The following SMYD3 variants were observed in gnomAD, a reference collection of about 807,000 sequenced individuals.
SMYD3 encodes the protein histone-lysine N-methyltransferase SMYD3.
A neutral mutation model predicts 57.7 loss-of-function variants in SMYD3; 36 were observed. The ratio of observed to expected loss-of-function variants is 0.62; its 90% confidence interval spans 0.48 to 0.82. The LOEUF (loss-of-function observed/expected upper bound fraction) is 0.82. Ranked by LOEUF, SMYD3 falls within the 40% of genes least tolerant of loss-of-function variation. The probability of loss-of-function intolerance (pLI) is 0.00; values close to 1 mark genes in which losing one functional copy is unlikely to be tolerated. For synonymous variants in SMYD3, 211 were observed against 195.0 expected, an observed-to-expected ratio of 1.08 and a Z score of -0.68; for missense variants, 515 against 538.8, an observed-to-expected ratio of 0.96 and a Z score of 0.44.
At chr1:245,761,857 CT>C (rs1357285271) in intron 11 of SMYD3, among the ~76,000 whole-genome samples, 1 of 142,950 alleles carries the variant, frequency 7.0e-6, no homozygotes. Flanking sequence ...GCAATCTTGG[CT>C]CACTGTAACC....
Position 245,989,360 on chromosome 1 carries a change from T to A in SMYD3, c.532-59423A>T, listed in dbSNP as rs184890435. ...TTTCCTCTCTTATCCTTAATTTCATTGTGTACTTTTCTCACTCCTATCTTC... is the reference window on the plus strand; with the variant it reads ...TTTCCTCTCTTATCCTTAATTTCATAGTGTACTTTTCTCACTCCTATCTTC... On this transcript the variant is annotated intron_variant, in intron 5 of 11. Coordinates refer to ENST00000490107, the MANE Select transcript of SMYD3 (RefSeq NM_001167740.2). 1.5e-3 allele frequency among the ~76,000 whole-genome samples: 232 copies of A among 152,334 alleles called. 1 individual carries two copies. The highest frequency in any genetic ancestry group is 0.01 in the Middle Eastern group (3 of 294).
intron 8 of SMYD3, among the ~76,000 whole-genome samples, chr1:245,908,090 C>T (rs1039169674): frequency 6.6e-6 from 1 of 151,606 alleles, no homozygotes; most frequent in Non-Finnish European, 1.5e-5. Flanking sequence ...GAGCTGAGAT[C>T]GCGCCACTGC....
chr1:246,044,870 T>C (rs950956752), intron 5 of SMYD3, among the ~76,000 whole-genome samples: 1 of 152,166 alleles, frequency 6.6e-6, no homozygotes, highest in Non-Finnish European at 1.5e-5. Flanking sequence ...CATTATTGAC[T>C]CTTTATAAAA....
At chr1:246,233,057 A>G in intron 5 of SMYD3, among the ~76,000 whole-genome samples, 1 of 133,406 alleles carries the variant, frequency 7.5e-6, no homozygotes, top group South Asian at 3.1e-4. Context: ...GCACTCCTTC[A>G]ATTCACACTG....
At chr1:246,498,725 C>T (rs1306252008) in intron 1 of SMYD3, among the ~76,000 whole-genome samples, 43 of 131,784 alleles carry the variant, frequency 3.3e-4, no homozygotes, top group Non-Finnish European at 6.3e-4. Context: ...AGCAAGACTC[C>T]GTCTCAAAAA....
intron 5 of SMYD3, among the ~76,000 whole-genome samples, chr1:245,943,202 G>A (rs2057315537): frequency 7.6e-6 from 1 of 131,470 alleles, no homozygotes; most frequent in Admixed American, 8.4e-5. Flanking sequence ...AAGAATACAG[G>A]GGCTGAGTTT....
intron 10 of SMYD3, among the ~76,000 whole-genome samples, chr1:245,829,635 C>T (rs532749715): frequency 8.5e-5 from 13 of 152,208 alleles, no homozygotes; most frequent in Middle Eastern, 6.8e-3. Flanking sequence ...TAATTCCACT[C>T]TAGATATACA....
chr1:246,172,426 A>G (rs2062356025), intron 5 of SMYD3, among the ~76,000 whole-genome samples: 1 of 139,108 alleles, frequency 7.2e-6, no homozygotes, highest in Non-Finnish European at 1.5e-5. Flanking sequence ...AACACTACAC[A>G]CTTAGGCTAC....
At position 246,355,084 on chromosome 1, in the gene SMYD3, G is replaced by C. The variant is rs913052633; in HGVS notation, c.175C>G (p.Leu59Val). ...ACGCGGCACTGAGAGCATCGCATCA[G>C]CTTTTCCTTCCTGTGGGGAAAAAAA... Reference protein sequence around the residue: ...CDRCLLGKEKLMRCSQCRVAK... With the variant: ...CDRCLLGKEKVMRCSQCRVAK... The change falls in exon 2 of 12, where the codon CTG becomes GTG. Residue 59 changes from leucine to valine, a missense_variant. Coordinates refer to ENST00000490107, the MANE Select transcript of SMYD3 (RefSeq NM_001167740.2). This position sits in a 1 kb window ranked among gnomAD's most constrained non-coding sequence, Gnocchi z 5.0. The C allele has an allele frequency of 5.0e-6, 8 of 1,614,042 alleles. No homozygotes were observed. The highest frequency in any genetic ancestry group is 5.9e-6 in the Non-Finnish European group (7 of 1,180,016).
chr1:246,117,878 A>C (rs760573301), intron 5 of SMYD3, among the ~76,000 whole-genome samples: 14 of 152,184 alleles, frequency 9.2e-5, no homozygotes, highest in Non-Finnish European at 1.9e-4. Context: ...GCATTGGTCA[A>C]ATTACATATT....
At chr1:246,281,502 C>T (rs763055632) in intron 5 of SMYD3, among the ~76,000 whole-genome samples, 13 of 152,126 alleles carry the variant, frequency 8.5e-5, no homozygotes, top group South Asian at 2.1e-4. Context: ...CATATCATAC[C>T]GCAATGTTTT....
intron 5 of SMYD3, among the ~76,000 whole-genome samples, chr1:246,057,925 G>A (rs10924471): frequency 0.056 from 8,556 of 152,200 alleles, 322 homozygotes; most frequent in African/African-American, 0.1. Flanking sequence ...AGCACTAAAA[G>A]TAAGTGATGT....
At chr1:246,190,094 A>T (rs2148321777) in intron 5 of SMYD3, among the ~76,000 whole-genome samples, 1 of 152,354 alleles carries the variant, frequency 6.6e-6, no homozygotes, top group East Asian at 1.9e-4. Context: ...AGTCGTCCTT[A>T]AATGCCCAAG....
chr1:245,861,140 C>T lies in SMYD3; in HGVS notation c.902-2470G>A, dbSNP rs535243022. 1.9e-3 allele frequency among the ~76,000 whole-genome samples: 297 copies of T among 152,310 alleles called. 2 individuals carry two copies. The highest frequency in any genetic ancestry group is 0.011 in the South Asian group (55 of 4,820). On this transcript the variant is annotated intron_variant, in intron 9 of 11. Transcript: ENST00000490107. ...AAGGCAAAACCTTTCCTGCAAAACA[C>T]CCCAGTGAGCCAAAAAATGGAATAA...
rs1572928982 is a variant in SMYD3 at position 246,039,360 on chromosome 1, G to A, written c.532-109423C>T. On this transcript the variant is annotated intron_variant, in intron 5 of 11. Transcript: ENST00000490107. ...CTAGATGTAAACATAGGTATATGCAGATATGCACCCACCACACTTCACTAT... is the reference window on the plus strand; with the variant it reads ...CTAGATGTAAACATAGGTATATGCAAATATGCACCCACCACACTTCACTAT... Among the ~76,000 whole-genome samples the A allele has an allele frequency of 1.2e-4, 18 of 152,240 alleles. No individual in the cohort carries two copies. In the South Asian group the frequency reaches 3.7e-3, roughly 32 times the overall value.
chr1:245,908,090 C>A (rs1039169674), intron 8 of SMYD3, among the ~76,000 whole-genome samples: 1 of 151,606 alleles, frequency 6.6e-6, no homozygotes, highest in South Asian at 2.1e-4. Context: ...GAGCTGAGAT[C>A]GCGCCACTGC....
intron 5 of SMYD3, among the ~76,000 whole-genome samples, chr1:246,031,113 T>C (rs748140651): frequency 5.9e-5 from 9 of 152,308 alleles, no homozygotes; most frequent in African/African-American, 9.6e-5. Context: ...ATACATAAAG[T>C]GAGGGCTATA....
At chr1:246,444,176 G>C (rs1400261500) in intron 1 of SMYD3, among the ~76,000 whole-genome samples, 2 of 147,448 alleles carry the variant, frequency 1.4e-5, no homozygotes, top group Non-Finnish European at 3.0e-5. Context: ...ACCCAGGCTA[G>C]AGTGCAGGTG....
At chr1:246,023,807 C>CTGTGTGTG (rs201726897) in intron 5 of SMYD3, among the ~76,000 whole-genome samples, 16,687 of 139,444 alleles carry the variant, frequency 0.12, 1,418 homozygotes, top group East Asian at 0.28. Context: ...TATTACAAAA[C>CTGTGTGTG]TGTGTGTGTG....
Sources: gnomAD v4.1 joint callset for allele counts (sites outside exome capture counted in the v4.1 genomes callset) on GRCh38, gnomAD v4.1.1 for gene constraint, Gnocchi (gnomAD v3.1) non-coding constraint, MANE v1.5 for transcripts, NCBI Gene and HGNC (gene_info 2026-07-23, HGNC 2026-07-21) for gene names.